The following TACR1 variants were observed in gnomAD, a reference collection of about 807,000 sequenced individuals.
TACR1 encodes the protein tachykinin receptor 1, also known as substance-P receptor.
In TACR1, 25 loss-of-function variants were observed where a neutral mutation model predicts 35.8. The ratio of observed to expected loss-of-function variants is 0.70; its 90% CI spans 0.51 to 0.98. The LOEUF is 0.98. TACR1 is among the 50% of genes least tolerant of loss of function. TACR1 has a pLI of 0.00. For missense variants in TACR1, 478 were observed against 522.9 expected (o/e 0.91, Z 0.84); for synonymous variants, 195 against 206.7 (o/e 0.94, Z 0.48).
chr2:75,145,685 T>C (rs1217495718), intron 1 of TACR1, among the ~76,000 whole-genome samples: 1 of 152,172 alleles, frequency 6.6e-6, no homozygotes, highest in Non-Finnish European at 1.5e-5. Context: ...AATGAAACTG[T>C]CAAATATTCC....
At chr2:75,132,570 A>C (rs1674199530) in intron 1 of TACR1, among the ~76,000 whole-genome samples, 2 of 152,122 alleles carry the variant, frequency 1.3e-5, no homozygotes, top group South Asian at 4.1e-4. Context: ...TGTCTCTGTT[A>C]ACTCTAATAG....
At chr2:75,054,171 A>G (rs981018490) in intron 2 of TACR1, among the ~76,000 whole-genome samples, 4 of 152,206 alleles carry the variant, frequency 2.6e-5, no homozygotes, top group Admixed American at 6.5e-5. Context: ...CTCTGAATGA[A>G]GGAAGTAATT....
At chr2:75,131,733 G>GT (rs955912089) in intron 1 of TACR1, among the ~76,000 whole-genome samples, 15 of 152,188 alleles carry the variant, frequency 9.9e-5, no homozygotes, top group Non-Finnish European at 5.9e-5. Context: ...TTTTGGGTGT[G>GT]TTTTTGTATG....
At chr2:75,068,481 T>G (rs75773576) in intron 2 of TACR1, among the ~76,000 whole-genome samples, 1,901 of 152,280 alleles carry the variant, frequency 0.012, 46 homozygotes, top group African/African-American at 0.044. Flanking sequence ...TGGAAAGAGC[T>G]GGGAAAACCC....
chr2:75,049,212 A>T lies in TACR1; in HGVS notation c.*220T>A. ...TTATTTTACAGGCTCAGCAAAGTTC[A>T]GTGATTTGGTTTGAGTCACACAGCA... On this transcript the variant is annotated 3_prime_UTR_variant, in exon 5 of 5. Coordinates refer to ENST00000305249, the MANE Select transcript of TACR1 (RefSeq NM_001058.4). 1.8e-6 allele frequency: 1 copy of T among 548,754 alleles called. No individual in the cohort carries two copies. The highest frequency in any genetic ancestry group is 2.9e-5 in the East Asian group (1 of 34,134). 34.0% of individuals were successfully genotyped at this position (548,754 alleles called of 1,614,324 possible).
chr2:75,193,720 C>A (rs1484915634), intron 1 of TACR1, among the ~76,000 whole-genome samples: 1 of 152,108 alleles, frequency 6.6e-6, no homozygotes, highest in African/African-American at 2.4e-5. Context: ...GTTGCCCTAT[C>A]TTGAGGTCTT....
Position 75,053,772 on chromosome 2 carries a change from A to T in TACR1, c.585-17T>A. On this transcript the variant is annotated splice_polypyrimidine_tract_variant and intron_variant, in intron 2 of 4. Coordinates refer to ENST00000305249, the MANE Select transcript of TACR1 (RefSeq NM_001058.4). ...ATGTGGTACCTACAGCAAGGTAAAC[A>T]GGAAAGGTCAGTATGATATACTTAT... 1.9e-6 allele frequency: 3 copies of T among 1,614,164 alleles called. No individual in the cohort carries two copies. The highest frequency in any genetic ancestry group is 2.5e-6 in the Non-Finnish European group (3 of 1,180,004).
rs572454980 is a variant in TACR1 at position 75,167,190 on chromosome 2, A to G, written c.389+31356T>C. Among the ~76,000 whole-genome samples the G allele has an allele frequency of 7.2e-5, 11 of 152,366 alleles. No individual in the cohort carries two copies. In the South Asian group the frequency reaches 2.3e-3, roughly 32 times the overall value. ...AAAACTTAAAAATGGAAGGCTTATA[A>G]TTGAAAGGAAATTAATTATCCCCCA... On this transcript the variant is annotated intron_variant, in intron 1 of 4. Coordinates refer to ENST00000305249, the MANE Select transcript of TACR1 (RefSeq NM_001058.4).
intron 2 of TACR1, among the ~76,000 whole-genome samples, chr2:75,071,996 T>G (rs987262719): frequency 6.6e-6 from 1 of 152,114 alleles, no homozygotes; most frequent in African/African-American, 2.4e-5. Flanking sequence ...AAAAAATAAC[T>G]GCAGCAAGCG....
chr2:75,121,073 G>GT (rs1246308672), intron 1 of TACR1, among the ~76,000 whole-genome samples: 1 of 152,168 alleles, frequency 6.6e-6, no homozygotes, highest in Non-Finnish European at 1.5e-5. Context: ...CCAAGTACAG[G>GT]TAAGTGAAAT....
intron 2 of TACR1, among the ~76,000 whole-genome samples, chr2:75,094,911 G>C (rs1673390117): frequency 6.9e-6 from 1 of 145,574 alleles, no homozygotes; most frequent in African/African-American, 2.7e-5. Context: ...AATATGACTG[G>C]AATCATTCAG....
chr2:75,087,288 T>C (rs752539540), intron 2 of TACR1, among the ~76,000 whole-genome samples: 5 of 152,226 alleles, frequency 3.3e-5, no homozygotes, highest in Non-Finnish European at 7.3e-5. Context: ...GTTATTTATA[T>C]TGACAGTGCT....
chr2:75,050,640 A>G (rs1013641616), intron 4 of TACR1, among the ~76,000 whole-genome samples: 2 of 152,154 alleles, frequency 1.3e-5, no homozygotes, highest in Admixed American at 1.3e-4. Flanking sequence ...CATCTGCAGG[A>G]TGGCTCTCCC....
rs1286135388 is a variant in TACR1 at position 75,097,431 on chromosome 2, C to T, written c.584+23143G>A. The stretch of plus-strand genomic sequence containing the variant: ...GAAACTATTTCTGTTCTGTAAAGTA[C>T]ATAAGTATTTGGAGACTTGACCTAA... On this transcript the variant is annotated intron_variant, in intron 2 of 4. Transcript: ENST00000305249. Among the ~76,000 whole-genome samples the T allele has an allele frequency of 2.0e-5, 3 of 151,152 alleles. No homozygotes were observed. In the East Asian group the frequency reaches 5.9e-4, roughly 29 times the overall value.
rs921309734 is a variant in TACR1 at position 75,123,315 on chromosome 2, C to A, written c.390-2547G>T. ...CCCTCTTTTAATATTACCTCAAATG[C>A]AAGATTTTAATTTGTTTCTCATTCA... On this transcript the variant is annotated intron_variant, in intron 1 of 4. Coordinates refer to ENST00000305249, the MANE Select transcript of TACR1 (RefSeq NM_001058.4). 1.4e-4 allele frequency among the ~76,000 whole-genome samples: 22 copies of A among 152,254 alleles called. 1 individual carries two copies. In the Middle Eastern group the frequency reaches 0.01, roughly 71 times the overall value.
At chr2:75,135,168 C>A (rs907052141) in intron 1 of TACR1, among the ~76,000 whole-genome samples, 2 of 152,274 alleles carry the variant, frequency 1.3e-5, no homozygotes, top group Non-Finnish European at 1.5e-5. Flanking sequence ...TCTTCCCATG[C>A]GGGCCCCAGC....
intron 2 of TACR1, among the ~76,000 whole-genome samples, chr2:75,069,884 C>T (rs955459085): frequency 2.6e-5 from 4 of 152,234 alleles, no homozygotes; most frequent in Admixed American, 2.6e-4. Context: ...TGTCAGGTTT[C>T]TCCACTGTGA....
At chr2:75,152,480 A>C (rs4853112) in intron 1 of TACR1, among the ~76,000 whole-genome samples, 1 of 151,844 alleles carries the variant, frequency 6.6e-6, no homozygotes, top group Admixed American at 6.6e-5. Context: ...AGTGTCTTTC[A>C]CCTCCCCCCA....
At chr2:75,056,130 A>G (rs1411440854) in intron 2 of TACR1, among the ~76,000 whole-genome samples, 1 of 151,842 alleles carries the variant, frequency 6.6e-6, no homozygotes, top group Admixed American at 6.6e-5. Flanking sequence ...GTCTATTGGG[A>G]CTCCATTGTT....
Sources: allele counts gnomAD v4.1 joint callset (sites outside exome capture counted in the v4.1 genomes callset), GRCh38; gene constraint gnomAD v4.1.1; transcripts MANE v1.5; gene names NCBI Gene and HGNC (gene_info 2026-07-23, HGNC 2026-07-21).